The following SLC24A3 variants were observed in gnomAD, a reference collection of about 807,000 sequenced individuals.
The protein encoded by SLC24A3 is sodium/potassium/calcium exchanger 3.
Under a neutral mutation model 75.8 loss-of-function variants are expected in SLC24A3, and 28 were observed. The ratio of observed to expected loss-of-function variants is 0.37; its 90% CI spans 0.27 to 0.51. The LOEUF (loss-of-function observed/expected upper bound fraction) is 0.51. Among genes scored for constraint, SLC24A3 ranks in the 20% least tolerant of loss-of-function variants. SLC24A3 has a pLI of 0.94. For missense variants in SLC24A3, 663 were observed against 847.8 expected, an observed-to-expected ratio of 0.78 and a Z score of 2.71; for synonymous variants, 372 against 334.1, an observed-to-expected ratio of 1.11 and a Z score of -1.24.
chr20:19,625,141 T>G (rs1237673739), intron 6 of SLC24A3, among the ~76,000 whole-genome samples: 1 of 152,154 alleles, frequency 6.6e-6, no homozygotes, highest in Non-Finnish European at 1.5e-5. Flanking sequence ...TGAAGCCCCA[T>G]TACTTCTATT....
chr20:19,247,856 T>C (rs1408794708), intron 1 of SLC24A3, among the ~76,000 whole-genome samples: 1 of 152,236 alleles, frequency 6.6e-6, no homozygotes, highest in Admixed American at 6.5e-5. Context: ...TTATATCTAC[T>C]TGATGACACT....
chr20:19,691,086 T>C (rs2032739821), intron 12 of SLC24A3, among the ~76,000 whole-genome samples: 1 of 152,216 alleles, frequency 6.6e-6, no homozygotes, highest in African/African-American at 2.4e-5. Context: ...CCTGTTCTCA[T>C]AGACTTTATT....
intron 2 of SLC24A3, among the ~76,000 whole-genome samples, chr20:19,359,264 G>A (rs1193836214): frequency 6.6e-6 from 1 of 152,118 alleles, no homozygotes; most frequent in Non-Finnish European, 1.5e-5. Context: ...TAAAAAAAAA[G>A]TTCTTGTTCT....
At chr20:19,231,062 G>C (rs1982007449) in intron 1 of SLC24A3, among the ~76,000 whole-genome samples, 1 of 152,176 alleles carries the variant, frequency 6.6e-6, no homozygotes, top group Non-Finnish European at 1.5e-5. Flanking sequence ...TATCTCTGCA[G>C]AACCATGGAT....
At chr20:19,448,594 C>T (rs569050272) in intron 2 of SLC24A3, among the ~76,000 whole-genome samples, 1 of 152,146 alleles carries the variant, frequency 6.6e-6, no homozygotes, top group Non-Finnish European at 1.5e-5. Context: ...ACATTGTATC[C>T]CAGTGTGTGT....
chr20:19,260,678 G>A (rs945787020), intron 1 of SLC24A3, among the ~76,000 whole-genome samples: 3 of 152,196 alleles, frequency 2.0e-5, no homozygotes, highest in Admixed American at 1.3e-4. Flanking sequence ...ATAGAAGAGC[G>A]TGTTTGGTTT....
At chr20:19,640,957 T>C (rs2032069464) in intron 6 of SLC24A3, among the ~76,000 whole-genome samples, 1 of 152,216 alleles carries the variant, frequency 6.6e-6, no homozygotes, top group Admixed American at 6.5e-5. Flanking sequence ...TTAAATATTT[T>C]ATTATGTCAG....
chr20:19,673,524 A>AT, intron 8 of SLC24A3, 77 bp from the exon 9 acceptor site: 1 of 1,296,308 alleles, frequency 7.7e-7, no homozygotes, highest in South Asian at 1.2e-5. Context: ...TTTGCATCAA[A>AT]TATGTCTTTA....
intron 2 of SLC24A3, among the ~76,000 whole-genome samples, chr20:19,345,971 A>G (rs1985386682): frequency 3.3e-5 from 5 of 150,294 alleles, no homozygotes; most frequent in African/African-American, 1.2e-4. Flanking sequence ...TACAAAAAAG[A>G]TAGTTGTACA....
At chr20:19,713,450 A>G (rs992273095) in intron 15 of SLC24A3, among the ~76,000 whole-genome samples, 2 of 152,070 alleles carry the variant, frequency 1.3e-5, no homozygotes, top group African/African-American at 4.8e-5. Context: ...TCTGCTTCCA[A>G]CCTCACTCTG....
intron 2 of SLC24A3, among the ~76,000 whole-genome samples, chr20:19,298,234 G>A (rs1241790371): frequency 6.6e-6 from 1 of 152,238 alleles, no homozygotes; most frequent in Non-Finnish European, 1.5e-5. Flanking sequence ...GAACACGGGA[G>A]TTGCATGTGT....
At chr20:19,244,829 G>T (rs1442885783) in intron 1 of SLC24A3, among the ~76,000 whole-genome samples, 1 of 152,198 alleles carries the variant, frequency 6.6e-6, no homozygotes, top group Non-Finnish European at 1.5e-5. Flanking sequence ...CTTAGAAGCA[G>T]GTGAGAGATA....
At chr20:19,493,827 T>C (rs1988240760) in intron 2 of SLC24A3, among the ~76,000 whole-genome samples, 1 of 152,156 alleles carries the variant, frequency 6.6e-6, no homozygotes, top group African/African-American at 2.4e-5. Flanking sequence ...CCAGAAACAC[T>C]GCAATGAGGC....
chr20:19,389,597 G>A (rs938336652), intron 2 of SLC24A3, among the ~76,000 whole-genome samples: 15 of 152,022 alleles, frequency 9.9e-5, no homozygotes, highest in Non-Finnish European at 2.1e-4. Context: ...TCTTCTGATA[G>A]TCTAACAGAC....
chr20:19,719,046 A>G (rs1459022972), intron 16 of SLC24A3, among the ~76,000 whole-genome samples: 2 of 152,134 alleles, frequency 1.3e-5, no homozygotes, highest in Non-Finnish European at 2.9e-5. Context: ...AAACCACGAG[A>G]GTGCAGGGTC....
intron 15 of SLC24A3, among the ~76,000 whole-genome samples, chr20:19,699,247 G>A (rs1327364011): frequency 6.6e-6 from 1 of 152,236 alleles, no homozygotes; most frequent in Non-Finnish European, 1.5e-5. Flanking sequence ...TACAGGCTAA[G>A]TGATTCATGT....
chr20:19,716,303 C>A (rs767168519), intron 15 of SLC24A3, among the ~76,000 whole-genome samples: 1 of 151,982 alleles, frequency 6.6e-6, no homozygotes, highest in Non-Finnish European at 1.5e-5. Flanking sequence ...AACTATTTGG[C>A]CTTTGTCAGC....
chr20:19,700,832 T>C (rs138333589), intron 15 of SLC24A3, among the ~76,000 whole-genome samples: 9 of 152,368 alleles, frequency 5.9e-5, no homozygotes, highest in African/African-American at 1.9e-4. Context: ...TGGACACTTA[T>C]GTTGATTCAA....
chr20:19,647,272 C>T (rs1205862040), intron 6 of SLC24A3, among the ~76,000 whole-genome samples: 1 of 152,206 alleles, frequency 6.6e-6, no homozygotes, highest in East Asian at 1.9e-4. Context: ...CACTTCCCCA[C>T]TCTCCTAACA....
Sources: gnomAD v4.1 joint callset for allele counts (sites outside exome capture counted in the v4.1 genomes callset) on GRCh38, gnomAD v4.1.1 for gene constraint, MANE v1.5 for transcripts, NCBI Gene and HGNC (gene_info 2026-07-23, HGNC 2026-07-21) for gene names.